The following DROSHA variants were observed in gnomAD, a reference collection of about 807,000 sequenced individuals.
The protein encoded by DROSHA is ribonuclease 3.
DROSHA carries 56 observed loss-of-function variants against 181.9 expected under a neutral mutation model. The observed-to-expected ratio is 0.31, with a 90% CI of 0.25 to 0.38. The LOEUF is 0.38. Ranked by LOEUF, DROSHA falls within the 10% of genes least tolerant of loss-of-function variation. The probability of loss-of-function intolerance (pLI) is 1.00; values close to 1 mark genes in which losing one functional copy is unlikely to be tolerated. For synonymous variants in DROSHA, 524 were observed against 591.2 expected, an observed-to-expected ratio of 0.89 and a Z score of 1.65; for missense variants, 1,218 against 1,743.5, an observed-to-expected ratio of 0.70 and a Z score of 5.37.
At chr5:31,402,037 A>C (rs1271175662) in intron 35 of DROSHA, among the ~76,000 whole-genome samples, 2 of 152,238 alleles carry the variant, frequency 1.3e-5, no homozygotes, top group African/African-American at 4.8e-5. Context: ...AAAAGAGCAA[A>C]GAAAGATCAG....
intron 34 of DROSHA, among the ~76,000 whole-genome samples, chr5:31,406,521 C>T (rs1384895227): frequency 1.3e-5 from 2 of 151,988 alleles, no homozygotes; most frequent in African/African-American, 4.8e-5. Context: ...GTCTAATGGT[C>T]GTGTCATGTG....
chr5:31,520,905 T>C (rs1021941261), intron 6 of DROSHA, among the ~76,000 whole-genome samples: 1 of 152,180 alleles, frequency 6.6e-6, no homozygotes, highest in Non-Finnish European at 1.5e-5. Flanking sequence ...TCTGTATAAT[T>C]TCTAATTTTT....
chr5:31,525,944 A>C, intron 5 of DROSHA, 135 bp downstream of exon 5: 4 of 896,526 alleles, frequency 4.5e-6, no homozygotes, highest in Non-Finnish European at 6.5e-6. Context: ...TTGAAAACAG[A>C]GTCCAAAATG....
chr5:31,507,495 G>A (rs1471420988), intron 10 of DROSHA, among the ~76,000 whole-genome samples: 1 of 151,358 alleles, frequency 6.6e-6, no homozygotes, highest in African/African-American at 2.4e-5. Flanking sequence ...ATAGTGGGAC[G>A]CCCCTATAGT....
chr5:31,461,700 A>T (rs1264735955), intron 20 of DROSHA, among the ~76,000 whole-genome samples: 2 of 152,114 alleles, frequency 1.3e-5, no homozygotes, highest in African/African-American at 2.4e-5. Flanking sequence ...GCCCAAAGTC[A>T]ACTACACTAG....
rs568384047 is a variant in DROSHA, at chr5:31,466,322, G to A, written c.2367-41C>T. 1.3e-4 allele frequency: 211 copies of A among 1,577,590 alleles called. 1 individual carries two copies. The South Asian group carries it at 2.3e-3, about 17-fold the overall frequency. ...GGCAAACATCTCAGGTAAAGAGGAG[G>A]TAAACCTAAAATGCAACAAAACCAG... is the stretch of plus-strand genomic sequence containing the variant. On this transcript the variant is annotated intron_variant, in intron 18 of 35. Transcript: ENST00000344624.
At chr5:31,479,432 A>T (rs1750764174) in intron 16 of DROSHA, among the ~76,000 whole-genome samples, 1 of 152,200 alleles carries the variant, frequency 6.6e-6, no homozygotes, top group African/African-American at 2.4e-5. Context: ...CCACGTTGAA[A>T]ATACTGAGTT....
At chr5:31,450,928 G>A (rs960001768) in intron 21 of DROSHA, among the ~76,000 whole-genome samples, 4 of 152,168 alleles carry the variant, frequency 2.6e-5, no homozygotes, top group Non-Finnish European at 5.9e-5. Flanking sequence ...TAGGCTGGGC[G>A]TGGTGGCTCA....
At chr5:31,504,678 A>G (rs1434365374) in intron 10 of DROSHA, 43 bp from the exon 11 acceptor site, 6 of 1,606,430 alleles carry the variant, frequency 3.7e-6, no homozygotes, top group Non-Finnish European at 5.1e-6. Flanking sequence ...GGAGGGAAAA[A>G]TCCACACCAT....
Position 31,515,238 on chromosome 5 carries a change from G to C in DROSHA, c.1059-19C>G. On this transcript the variant is annotated intron_variant, in intron 7 of 35. Transcript: ENST00000344624. Reference sequence around the variant, plus strand: ...GGAGCGACTTCAAAAGAGGGCAAAGGAGGTTAATTATTAAAAATACTCTTC... The same window carrying C: ...GGAGCGACTTCAAAAGAGGGCAAAGCAGGTTAATTATTAAAAATACTCTTC... The C allele has an allele frequency of 6.3e-7, 1 of 1,587,170 alleles. No homozygotes were observed.
chr5:31,423,475 AGG>A lies in DROSHA; in HGVS notation c.3262-533_3262-532del, dbSNP rs574191402. Among the ~76,000 whole-genome samples, 8 of 152,304 alleles carry A rather than the reference AGG, an allele frequency of 5.3e-5. No individual in the cohort carries two copies. In the East Asian group the frequency reaches 1.3e-3, roughly 26 times the overall value. ...AAAGTAATTTACTACTGTGTTTTCT[AGG>A]GACCAACTTATTTTGGCAATGAGCA... On this transcript the variant is annotated intron_variant, in intron 28 of 35. Transcript: ENST00000344624.
chr5:31,405,870 C>T (rs1740597040), intron 34 of DROSHA, 147 bp from the exon 35 acceptor site: 1 of 663,580 alleles, frequency 1.5e-6, no homozygotes, highest in South Asian at 2.1e-5. Context: ...TGATTACTTA[C>T]AGTGTCACAC....
chr5:31,445,520 T>A (rs1746144126), intron 23 of DROSHA, among the ~76,000 whole-genome samples: 1 of 152,152 alleles, frequency 6.6e-6, no homozygotes, highest in African/African-American at 2.4e-5. Context: ...TACAAACAAG[T>A]ATCTCTTGTG....
intron 21 of DROSHA, among the ~76,000 whole-genome samples, chr5:31,450,082 AT>A (rs766095825): frequency 2.4e-4 from 36 of 152,232 alleles, no homozygotes; most frequent in Admixed American, 6.5e-4. Flanking sequence ...ATCACTAATC[AT>A]TAGGGAAATG....
intron 12 of DROSHA, 119 bp downstream of exon 12, chr5:31,495,166 TA>T: frequency 1.7e-6 from 2 of 1,186,680 alleles, no homozygotes; most frequent in Non-Finnish European, 2.4e-6. Flanking sequence ...TTTGTCAACA[TA>T]AAAATAAAAT....
At chr5:31,429,330 A>C (rs1023460532) in intron 27 of DROSHA, 145 bp downstream of exon 27, 1 of 640,368 alleles carries the variant, frequency 1.6e-6, no homozygotes, top group African/African-American at 1.9e-5. Flanking sequence ...TGAATAAGCC[A>C]TTTTGGTGTA....
At chr5:31,484,066 T>C (rs996522584) in intron 15 of DROSHA, among the ~76,000 whole-genome samples, 3 of 152,148 alleles carry the variant, frequency 2.0e-5, no homozygotes, top group Admixed American at 6.5e-5. Context: ...AGTAACTGTT[T>C]GCTAGAATAC....
At chr5:31,434,592 T>G (rs1420236215) in intron 25 of DROSHA, among the ~76,000 whole-genome samples, 4 of 152,258 alleles carry the variant, frequency 2.6e-5, no homozygotes. Context: ...AATGTGTTAT[T>G]GCTAACACAT....
intron 33 of DROSHA, 54 bp from the exon 34 acceptor site, chr5:31,406,999 T>TA: frequency 6.5e-7 from 1 of 1,530,906 alleles, no homozygotes; most frequent in South Asian, 1.2e-5. Flanking sequence ...TTGTCATGGT[T>TA]ACTATGTAAC....
Sources: allele counts gnomAD v4.1 joint callset (sites outside exome capture counted in the v4.1 genomes callset), GRCh38; gene constraint gnomAD v4.1.1; transcripts MANE v1.5; gene names NCBI Gene and HGNC (gene_info 2026-07-23, HGNC 2026-07-21).